Variants in AGAP4 observed in about 807,000 individuals in gnomAD.
AGAP4 encodes the protein arf-GAP with GTPase, ANK repeat and PH domain-containing protein 4.
Under a neutral mutation model 60.7 loss-of-function variants are expected in AGAP4, and 13 were observed. That is an observed-to-expected ratio of 0.21 (90% CI 0.14 to 0.34). The LOEUF is 0.34. Ranked by LOEUF, AGAP4 falls within the 10% of genes least tolerant of loss-of-function variation. The pLI, the probability that AGAP4 is intolerant of heterozygous loss-of-function variation, is 1.00. For synonymous variants in AGAP4, 70 were observed against 339.0 expected (o/e 0.21, Z 8.72); for missense variants, 169 against 884.0 (o/e 0.19, Z 10.26).
At position 45,830,485 on chromosome 10, in the gene AGAP4, T is replaced by TTTTG. The variant is rs1223499430; in HGVS notation, c.533+905_533+908dup. Among the ~76,000 whole-genome samples the TTTTG allele has an allele frequency of 3.1e-5, 3 of 95,298 alleles. 1 individual carries two copies. The highest frequency in any genetic ancestry group is 1.4e-4 in the African/African-American group (3 of 22,032). 62.5% of individuals were successfully genotyped at this position (95,298 alleles called of 152,430 possible). A position where few individuals can be genotyped will look rare whatever the true frequency, so the allele number is the denominator to read the frequency against. ...CTGCGCCCCACCAGCTTATTGCTTT[T>TTTTG]TTTGTTTGTTTGTTTGTTTAGGCAG... On this transcript the variant is annotated intron_variant, in intron 6 of 7. Coordinates refer to ENST00000616763, the MANE Select transcript of AGAP4 (RefSeq NM_001276343.3).
At chr10:45,843,874 A>G (rs1317999787) in intron 3 of AGAP4, among the ~76,000 whole-genome samples, 1 of 150,068 alleles carries the variant, frequency 6.7e-6, no homozygotes, top group African/African-American at 2.5e-5. Context: ...AGGACTGTGT[A>G]AGAGGAGGCC....
upstream of AGAP4, chr10:45,854,583 A>C (rs1342246886): frequency 6.8e-6 from 1 of 146,464 alleles, no homozygotes; most frequent in Non-Finnish European, 1.5e-5. Context: ...GCAGTGAGCC[A>C]AGACTGTGCC....
intron 4 of AGAP4, among the ~76,000 whole-genome samples, chr10:45,839,723 C>T (rs2058886614): frequency 8.8e-6 from 1 of 114,154 alleles, no homozygotes; most frequent in African/African-American, 3.4e-5. Flanking sequence ...ATCCTGCTTC[C>T]AAATAAAGCA....
At chr10:45,842,575 C>G (rs1442447007) in intron 3 of AGAP4, among the ~76,000 whole-genome samples, 1 of 148,946 alleles carries the variant, frequency 6.7e-6, no homozygotes. Flanking sequence ...GTATACAAAC[C>G]TAATTGGACA....
At chr10:45,840,053 A>G (rs2058892221) in intron 4 of AGAP4, among the ~76,000 whole-genome samples, 1 of 149,604 alleles carries the variant, frequency 6.7e-6, no homozygotes, top group Non-Finnish European at 1.5e-5. Flanking sequence ...AAAAAAAAAA[A>G]TTCTCAAGAA....
At chr10:45,836,313 A>G (rs2058817084) in intron 4 of AGAP4, among the ~76,000 whole-genome samples, 1 of 152,080 alleles carries the variant, frequency 6.6e-6, no homozygotes, top group South Asian at 2.1e-4. Context: ...CTGGGGTATA[A>G]CAGAGCTACT....
Position 45,827,336 on chromosome 10 carries a change from A to C in AGAP4, c.640T>G (p.Tyr214Asp). 2 of 1,594,188 alleles carry C rather than the reference A, an allele frequency of 1.3e-6. No individual in the cohort carries two copies. The highest frequency in any genetic ancestry group is 2.2e-5 in the South Asian group (2 of 89,644). ...GGAGTCGATGGAATGGAGGAGGAATAGTTATTTAAACTCCCACCTCCATTT... is the reference window on the plus strand; with the variant it reads ...GGAGTCGATGGAATGGAGGAGGAATCGTTATTTAAACTCCCACCTCCATTT... ...KRNGGGSLNNYSSSIPSTPST... is the reference protein window; with the variant it reads ...KRNGGGSLNNDSSSIPSTPST... The change falls in exon 8 of 8, where the codon TAT (tyrosine) becomes GAT (aspartate). Residue 214 changes from tyrosine (Y) to aspartate (D), a missense_variant. Tyr to Asp is a radical substitution (Grantham distance 160, BLOSUM62 -3). Transcript: ENST00000616763.
chr10:45,826,705 T>G lies in AGAP4; in HGVS notation c.1271A>C (p.Glu424Ala), dbSNP rs1554896379. The G allele has an allele frequency of 7.1e-7, 1 of 1,405,310 alleles. No homozygotes were observed. Among genetic ancestry groups the G allele is most frequent in the Non-Finnish European group, 9.8e-7 (1 of 1,023,354 alleles). The allele number at this position is 1,405,310 out of a possible 1,614,324, so 87.1% of individuals were successfully genotyped here. ...ATCCCGCTCCTCATACGTCGTGGCTTCAAAGTGCCACGTTTGGCCAGTGGC... is the reference window on the plus strand; with the variant it reads ...ATCCCGCTCCTCATACGTCGTGGCTGCAAAGTGCCACGTTTGGCCAGTGGC... Reference protein sequence around the residue: ...VSATGQTWHFEATTYEERDAW... With the variant: ...VSATGQTWHFAATTYEERDAW... The change falls in exon 8 of 8, where the codon GAA (glutamate) becomes GCA (alanine). Residue 424 changes from glutamate (E) to alanine (A), a missense_variant. Physicochemically the swap from Glu to Ala is moderately radical, Grantham distance 107. Transcript: ENST00000616763.
chr10:45,843,532 A>G (rs2058953429), intron 3 of AGAP4, among the ~76,000 whole-genome samples: 1 of 132,372 alleles, frequency 7.6e-6, no homozygotes, highest in African/African-American at 3.0e-5. Flanking sequence ...TAATGTAAAA[A>G]ATGAAGACAA....
At chr10:45,849,913 C>T (rs1403334796), upstream of AGAP4, among the ~76,000 whole-genome samples, 30 of 150,822 alleles carry the variant, frequency 2.0e-4, no homozygotes, top group African/African-American at 6.6e-4. Flanking sequence ...CAGCCAGATT[C>T]GTATATTTTT....
At position 45,831,369 on chromosome 10, in the gene AGAP4, C is replaced by T; in HGVS notation, c.533+25G>A. On this transcript the variant is annotated intron_variant, in intron 6 of 7. Coordinates refer to ENST00000616763, the MANE Select transcript of AGAP4 (RefSeq NM_001276343.3). ...CTTGCAAAGTACTTAGCTAGAATAA[C>T]AAGACAGGTTTCTAAAAAGCTCACC... 1.3e-6 allele frequency: 2 copies of T among 1,579,304 alleles called. 1 individual carries two copies. Among genetic ancestry groups the T allele is most frequent in the Non-Finnish European group, 1.7e-6 (2 of 1,166,836 alleles).
chr10:45,847,998 T>C, upstream of AGAP4: 2 of 1,015,594 alleles, frequency 2.0e-6, no homozygotes, highest in Non-Finnish European at 2.4e-6. Context: ...GCCATCTTCC[T>C]CTATGAGTTC....
At chr10:45,852,865 G>A (rs1205555176) in intron 1 of AGAP4, among the ~76,000 whole-genome samples, 2 of 151,778 alleles carry the variant, frequency 1.3e-5, no homozygotes, top group Non-Finnish European at 2.9e-5. Flanking sequence ...GACTTGAGAT[G>A]ATGTCTATTT....
intron 4 of AGAP4, among the ~76,000 whole-genome samples, chr10:45,838,823 T>A (rs1237589730): frequency 6.6e-6 from 1 of 151,568 alleles, no homozygotes; most frequent in Non-Finnish European, 1.5e-5. Flanking sequence ...CTTAAATATT[T>A]CTAACACTTT....
intron 1 of AGAP4, among the ~76,000 whole-genome samples, chr10:45,852,795 C>T (rs1469917750): frequency 3.4e-4 from 52 of 151,746 alleles, no homozygotes; most frequent in African/African-American, 1.2e-3. Flanking sequence ...CTACAATCTG[C>T]ATTAATAGTG....
upstream of AGAP4, among the ~76,000 whole-genome samples, chr10:45,850,985 A>C (rs1362981674): frequency 6.6e-6 from 1 of 152,066 alleles, no homozygotes; most frequent in African/African-American, 2.4e-5. Flanking sequence ...ATTTCCTAAA[A>C]TTTACATGCT....
chr10:45,834,918 C>A (rs1260537857), intron 4 of AGAP4, among the ~76,000 whole-genome samples: 6 of 147,062 alleles, frequency 4.1e-5, no homozygotes, highest in Non-Finnish European at 7.4e-5. Flanking sequence ...GGACTACAGG[C>A]GCCCACCACC....
chr10:45,848,965 C>G (rs2135972314), upstream of AGAP4: 1 of 150,664 alleles, frequency 6.6e-6, no homozygotes, highest in South Asian at 2.2e-4. Context: ...GTGGCTCACA[C>G]TTGTAACCCT....
chr10:45,838,311 G>A (rs1385825458), intron 4 of AGAP4, among the ~76,000 whole-genome samples: 68 of 151,822 alleles, frequency 4.5e-4, no homozygotes, highest in African/African-American at 1.6e-3. Context: ...GGAGGAGGGT[G>A]AGGGATAAAA....
Sources: gnomAD v4.1 joint callset for allele counts (sites outside exome capture counted in the v4.1 genomes callset) on GRCh38, gnomAD v4.1.1 for gene constraint, MANE v1.5 for transcripts, NCBI Gene and HGNC (gene_info 2026-07-23, HGNC 2026-07-21) for gene names.